The following GULP1 variants were observed in gnomAD, a reference collection of about 807,000 sequenced individuals.
The protein encoded by GULP1 is PTB domain-containing engulfment adapter protein 1.
Under a neutral mutation model 40.9 loss-of-function variants are expected in GULP1, and 19 were observed. The ratio of observed to expected loss-of-function variants is 0.46; its 90% CI spans 0.32 to 0.68. The LOEUF is 0.68. GULP1 is among the 30% of genes least tolerant of loss of function. The pLI is 0.03. For missense variants in GULP1, 312 were observed against 362.2 expected (o/e 0.86, Z 1.12); for synonymous variants, 119 against 117.6 (o/e 1.01, Z -0.08).
chr2:188,323,690 A>G (rs67797388), intron 1 of GULP1, among the ~76,000 whole-genome samples: 5 of 99,590 alleles, frequency 5.0e-5, no homozygotes, highest in Non-Finnish European at 9.0e-5. Flanking sequence ...GTGTGTGTGT[A>G]TGTGTGTACA....
At chr2:188,409,280 A>G (rs780802514) in intron 2 of GULP1, among the ~76,000 whole-genome samples, 11 of 152,170 alleles carry the variant, frequency 7.2e-5, no homozygotes, top group Non-Finnish European at 1.0e-4. Context: ...AGAAACTACA[A>G]CTGATACCAT....
In GULP1 at chr2:188,551,274, C is replaced by G. The variant is rs540700134; in HGVS notation, c.399+9956C>G. Among the ~76,000 whole-genome samples the G allele has an allele frequency of 1.8e-4, 27 of 151,680 alleles. 1 individual carries two copies. The highest frequency in any genetic ancestry group is 1.4e-3 in the Admixed American group (21 of 15,216). On this transcript the variant is annotated intron_variant, in intron 7 of 11. Transcript: ENST00000409830. ...ATCAAACATTGAATTTATTCCTTCT[C>G]TCTAACTGTATGTTTGTACCCATTA...
intron 4 of GULP1, among the ~76,000 whole-genome samples, chr2:188,502,551 G>C (rs2063532486): frequency 6.6e-6 from 1 of 151,776 alleles, no homozygotes; most frequent in Non-Finnish European, 1.5e-5. Context: ...CCTATGGATT[G>C]ATATTTCCTG....
chr2:188,548,148 T>C (rs1692472324), intron 7 of GULP1, among the ~76,000 whole-genome samples: 1 of 152,012 alleles, frequency 6.6e-6, no homozygotes, highest in Non-Finnish European at 1.5e-5. Context: ...CAAAAAAGCA[T>C]ATAATAAATT....
At chr2:188,446,871 G>A (rs1246537830) in intron 2 of GULP1, among the ~76,000 whole-genome samples, 1 of 152,138 alleles carries the variant, frequency 6.6e-6, no homozygotes, top group Admixed American at 6.5e-5. Flanking sequence ...TATTTTGGAA[G>A]TGTCAACAAA....
At chr2:188,375,553 T>A in intron 1 of GULP1, among the ~76,000 whole-genome samples, 1 of 152,232 alleles carries the variant, frequency 6.6e-6, no homozygotes. Context: ...AAGTGCTTAA[T>A]AAGAACTCTT....
chr2:188,380,748 T>A (rs899800859), intron 1 of GULP1, among the ~76,000 whole-genome samples: 2 of 152,206 alleles, frequency 1.3e-5, no homozygotes, highest in African/African-American at 4.8e-5. Context: ...ATCATGATAA[T>A]GGTGGTCTGT....
intron 1 of GULP1, among the ~76,000 whole-genome samples, chr2:188,332,191 C>A (rs372555547): frequency 7.9e-6 from 1 of 126,710 alleles, no homozygotes; most frequent in Admixed American, 8.7e-5. Flanking sequence ...TTTCTTTATT[C>A]TTTTTTTTTT....
At chr2:188,314,019 A>G (rs1275362386) in intron 1 of GULP1, among the ~76,000 whole-genome samples, 1 of 151,918 alleles carries the variant, frequency 6.6e-6, no homozygotes, top group East Asian at 1.9e-4. Flanking sequence ...AAAACAAAAT[A>G]CATATAAAAT....
chr2:188,371,361 C>G (rs1415658869), intron 1 of GULP1, among the ~76,000 whole-genome samples: 1 of 152,054 alleles, frequency 6.6e-6, no homozygotes, highest in Non-Finnish European at 1.5e-5. Context: ...TAAAAACTTA[C>G]AGTTCCCTAA....
chr2:188,316,180 A>T (rs533787648), intron 1 of GULP1, among the ~76,000 whole-genome samples: 1 of 152,134 alleles, frequency 6.6e-6, no homozygotes, highest in Admixed American at 6.6e-5. Flanking sequence ...AGGTAGAAAG[A>T]CTCCCTTTTA....
At chr2:188,399,714 A>ACAAAAC in intron 2 of GULP1, among the ~76,000 whole-genome samples, 1 of 131,078 alleles carries the variant, frequency 7.6e-6, no homozygotes, top group South Asian at 2.6e-4. Flanking sequence ...AAAAAAAAAA[A>ACAAAAC]CATCAAACTG....
chr2:188,321,265 T>C (rs2039941826), intron 1 of GULP1, among the ~76,000 whole-genome samples: 1 of 152,196 alleles, frequency 6.6e-6, no homozygotes, highest in Non-Finnish European at 1.5e-5. Flanking sequence ...CACCAATCTT[T>C]ATATCTGTAA....
chr2:188,513,431 A>C (rs1243891561), intron 4 of GULP1, among the ~76,000 whole-genome samples: 1 of 152,184 alleles, frequency 6.6e-6, no homozygotes, highest in Non-Finnish European at 1.5e-5. Context: ...GCATATTTAC[A>C]CAATAATGCC....
At chr2:188,514,372 G>A (rs750276832) in intron 4 of GULP1, among the ~76,000 whole-genome samples, 7 of 152,060 alleles carry the variant, frequency 4.6e-5, no homozygotes, top group Non-Finnish European at 7.4e-5. Flanking sequence ...GGTAAAATTG[G>A]TTGTGTTATA....
intron 1 of GULP1, among the ~76,000 whole-genome samples, chr2:188,314,879 C>A (rs1434393107): frequency 6.6e-6 from 1 of 152,098 alleles, no homozygotes; most frequent in African/African-American, 2.4e-5. Context: ...TCTAGCCATC[C>A]GTGCTGTCTG....
intron 4 of GULP1, among the ~76,000 whole-genome samples, chr2:188,514,253 G>A (rs2064952453): frequency 6.6e-6 from 1 of 151,860 alleles, no homozygotes; most frequent in South Asian, 2.1e-4. Flanking sequence ...CATTTATTTT[G>A]GTGTTTAACA....
At chr2:188,547,478 A>G (rs747642729) in intron 7 of GULP1, among the ~76,000 whole-genome samples, 4 of 152,080 alleles carry the variant, frequency 2.6e-5, no homozygotes, top group Non-Finnish European at 4.4e-5. Context: ...AAGCTGAAAA[A>G]CTTGAAGTCC....
chr2:188,472,661 T>C (rs34211564), intron 2 of GULP1, among the ~76,000 whole-genome samples: 16,764 of 152,214 alleles, frequency 0.11, 1,061 homozygotes, highest in Middle Eastern at 0.18. Flanking sequence ...TCTCTTTCTT[T>C]AATTTATCTA....
Sources: gnomAD v4.1 joint callset for allele counts (sites outside exome capture counted in the v4.1 genomes callset) on GRCh38, gnomAD v4.1.1 for gene constraint, MANE v1.5 for transcripts, NCBI Gene and HGNC (gene_info 2026-07-23, HGNC 2026-07-21) for gene names.